GNG2: variants seen among roughly 807,000 people sequenced by gnomAD.
GNG2 encodes the protein G protein subunit gamma 2.
Under a neutral mutation model 5.5 loss-of-function variants are expected in GNG2, and 5 were observed. The observed-to-expected ratio is 0.91, with a 90% CI of 0.48 to 1.92. GNG2 has a LOEUF of 1.92. Among genes scored for constraint, GNG2 ranks in the 30% most tolerant of loss-of-function variants. The pLI is 0.01. For missense variants in GNG2, 55 were observed against 88.4 expected, an observed-to-expected ratio of 0.62 and a Z score of 1.52; for synonymous variants, 28 against 32.0, an observed-to-expected ratio of 0.88 and a Z score of 0.42.
chr14:51,849,747 T>A (rs1246654934), intron 2 of GNG2, among the ~76,000 whole-genome samples: 1 of 151,838 alleles, frequency 6.6e-6, no homozygotes, highest in Non-Finnish European at 1.5e-5. Context: ...AAACTTCCAA[T>A]AAATATTTGT....
At chr14:51,884,586 C>G (rs1397314590) in intron 2 of GNG2, among the ~76,000 whole-genome samples, 1 of 152,178 alleles carries the variant, frequency 6.6e-6, no homozygotes, top group Non-Finnish European at 1.5e-5. Flanking sequence ...GAGAGAGGCA[C>G]AGTTACACCT....
chr14:51,859,192 T>C (rs1882303581), upstream of GNG2, among the ~76,000 whole-genome samples: 1 of 152,214 alleles, frequency 6.6e-6, no homozygotes, highest in African/African-American at 2.4e-5. Context: ...CAGGCACTGA[T>C]TCCTGAGAAG....
intron 2 of GNG2, among the ~76,000 whole-genome samples, chr14:51,879,367 A>G (rs1028590721): frequency 6.6e-6 from 1 of 152,222 alleles, no homozygotes. Flanking sequence ...AAAATTAAAC[A>G]TGAGGTAATG....
At chr14:51,888,306 G>T (rs1367931095) in intron 2 of GNG2, among the ~76,000 whole-genome samples, 1 of 146,276 alleles carries the variant, frequency 6.8e-6, no homozygotes, top group African/African-American at 2.4e-5. Context: ...TTATCGTTTT[G>T]TTTGTTTGTT....
intron 2 of GNG2, among the ~76,000 whole-genome samples, chr14:51,922,215 G>C (rs1278615810): frequency 6.6e-6 from 1 of 152,210 alleles, no homozygotes; most frequent in Non-Finnish European, 1.5e-5. Context: ...ATAAAAGAGA[G>C]AGAAACTACT....
At chr14:51,919,707 C>T (rs892836760) in intron 2 of GNG2, among the ~76,000 whole-genome samples, 10 of 152,142 alleles carry the variant, frequency 6.6e-5, no homozygotes, top group Admixed American at 2.6e-4. Context: ...GAACATGTTC[C>T]GCCCTAGTAA....
chr14:51,858,556 C>A (rs1171835020), upstream of GNG2, among the ~76,000 whole-genome samples: 1 of 152,062 alleles, frequency 6.6e-6, no homozygotes. Flanking sequence ...GAGTTAGAAA[C>A]AAAAAGACAC....
intron 3 of GNG2, among the ~76,000 whole-genome samples, chr14:51,962,422 T>G (rs1594967079): frequency 6.6e-6 from 1 of 152,252 alleles, no homozygotes; most frequent in South Asian, 2.1e-4. Context: ...TACTGCAGTG[T>G]GTTGTCTATA....
In GNG2 at chr14:51,827,676, G is replaced by C. The variant is rs185046728; in HGVS notation, c.-68G>C. ...ATGTTTACATATCCCAGAATTACAC[G>C]CAGTGGAAAAGCAGCACCGTGGAGC... On this transcript the variant is annotated 5_prime_UTR_variant, in exon 2 of 4. Coordinates refer to the GNG2 transcript ENST00000553432. 3.1e-5 allele frequency: 22 copies of C among 701,852 alleles called. No individual in the cohort carries two copies. The East Asian group carries it at 5.9e-4, about 19-fold the overall frequency. 43.5% of individuals were successfully genotyped at this position (701,852 alleles called of 1,614,324 possible). A position where few individuals can be genotyped will look rare whatever the true frequency, so the allele number is the denominator to read the frequency against.
chr14:51,882,792 G>T (rs57826933), intron 2 of GNG2, among the ~76,000 whole-genome samples: 3,404 of 152,064 alleles, frequency 0.022, 138 homozygotes, highest in African/African-American at 0.078. Context: ...GGCGGATCAC[G>T]AGGTCAGGAG....
At chr14:51,926,081 T>G (rs1163777904) in intron 2 of GNG2, among the ~76,000 whole-genome samples, 1 of 151,792 alleles carries the variant, frequency 6.6e-6, no homozygotes, top group African/African-American at 2.4e-5. Context: ...GAAAACAGAG[T>G]TCTAGAGACA....
chr14:51,827,087 C>G (rs560762849), intron 1 of GNG2, among the ~76,000 whole-genome samples: 2 of 152,206 alleles, frequency 1.3e-5, no homozygotes, highest in East Asian at 1.9e-4. Context: ...GTGACAGCAG[C>G]AGTTCCCAAA....
intron 3 of GNG2, among the ~76,000 whole-genome samples, chr14:51,962,835 C>T (rs894644264): frequency 3.3e-5 from 5 of 152,160 alleles, no homozygotes; most frequent in African/African-American, 9.7e-5. Context: ...CACACGATTG[C>T]TGTGACTCAT....
In GNG2 at chr14:51,829,794, A is replaced by T. The variant is rs547732915; in HGVS notation, c.64+1987A>T. The stretch of plus-strand genomic sequence containing the variant: ...CTGCTAAACCTAATGTTCAGTTCTC[A>T]GTGTTTATCATATTTGACCTATGCT... On this transcript the variant is annotated intron_variant, in intron 2 of 3. Transcript: ENST00000553432. Among the ~76,000 whole-genome samples the T allele has an allele frequency of 4.6e-5, 7 of 151,504 alleles. No individual in the cohort carries two copies. In the South Asian group the frequency reaches 1.5e-3, roughly 32 times the overall value.
At chr14:51,950,139 G>A (rs1241333760) in intron 2 of GNG2, among the ~76,000 whole-genome samples, 1 of 152,196 alleles carries the variant, frequency 6.6e-6, no homozygotes, top group Non-Finnish European at 1.5e-5. Flanking sequence ...TGAACTAATT[G>A]TCATATTTAG....
chr14:51,932,012 C>T (rs931374474), intron 2 of GNG2, among the ~76,000 whole-genome samples: 48 of 151,926 alleles, frequency 3.2e-4, no homozygotes, highest in Non-Finnish European at 6.0e-4. Context: ...TTTGGGAAGC[C>T]GAGGTGGGTG....
chr14:51,968,192 T>C lies in GNG2; in HGVS notation c.*1505T>C, dbSNP rs1443081002. On this transcript the variant is annotated 3_prime_UTR_variant, in exon 4 of 4. Coordinates refer to ENST00000556766, the MANE Select transcript of GNG2 (RefSeq NM_053064.5). ...GAGTAATTTTTCATTGTAGCTGTAG[T>C]CTCCATCAGTAACAGCAGGCCCTGG... 1 of 152,164 alleles carries C rather than the reference T, an allele frequency of 6.6e-6. No individual in the cohort carries two copies. Among genetic ancestry groups the C allele is most frequent in the African/African-American group, 2.4e-5 (1 of 41,436 alleles). 9.4% of individuals were successfully genotyped at this position (152,164 alleles called of 1,614,324 possible).
chr14:51,876,377 T>C (rs929351162), intron 1 of GNG2, among the ~76,000 whole-genome samples: 5 of 152,242 alleles, frequency 3.3e-5, no homozygotes, highest in African/African-American at 4.8e-5. Context: ...TGGGTTTGTT[T>C]TGGTTAAAGT....
chr14:51,854,257 T>C (rs1007741328), intron 2 of GNG2, among the ~76,000 whole-genome samples: 2 of 152,232 alleles, frequency 1.3e-5, no homozygotes, highest in South Asian at 2.1e-4. Context: ...TCTGTTTTTA[T>C]GGTAGTAACA....
Sources: gnomAD v4.1 joint callset for allele counts (sites outside exome capture counted in the v4.1 genomes callset) on GRCh38, gnomAD v4.1.1 for gene constraint, MANE v1.5 for transcripts, NCBI Gene and HGNC (gene_info 2026-07-23, HGNC 2026-07-21) for gene names.